The following MACF1 variants were observed in gnomAD, a reference collection of about 807,000 sequenced individuals.
The protein encoded by MACF1 is microtubule actin crosslinking factor 1.
Under a neutral mutation model 854.8 loss-of-function variants are expected in MACF1, and 193 were observed. The ratio of observed to expected loss-of-function variants is 0.23; its 90% confidence interval spans 0.20 to 0.25. The LOEUF (loss-of-function observed/expected upper bound fraction) is 0.25. MACF1 is among the 10% of genes least tolerant of loss of function. The probability of loss-of-function intolerance (pLI) is 1.00; values close to 1 mark genes in which losing one functional copy is unlikely to be tolerated. For synonymous variants in MACF1, 3,185 were observed against 3,226.7 expected (o/e 0.99, Z 0.44); for missense variants, 7,722 against 8,929.1 (o/e 0.86, Z 5.45).
At position 39,284,443 on chromosome 1, in the gene MACF1, C is replaced by G; in HGVS notation, c.1131+15C>G. On this transcript the variant is annotated intron_variant, in intron 11 of 100. Coordinates refer to ENST00000564288, the MANE Select transcript of MACF1 (RefSeq NM_001394062.1). ...AATTACTAGAGGTAAGTGAGCTTAT[C>G]CTTTGCTGAGACTTGGGGTTTGCTG... 1 of 1,537,460 alleles carries G rather than the reference C, an allele frequency of 6.5e-7. No individual in the cohort carries two copies. The highest frequency in any genetic ancestry group is 8.8e-7 in the Non-Finnish European group (1 of 1,137,098).
Position 39,460,165 on chromosome 1 carries a change from G to T in MACF1, c.21361-467G>T, listed in dbSNP as rs754565515. Among the ~76,000 whole-genome samples the T allele has an allele frequency of 5.9e-5, 9 of 152,150 alleles. No homozygotes were observed. The highest frequency in any genetic ancestry group is 1.2e-4 in the Non-Finnish European group (8 of 68,022). ...TCCCAATGCTTCCATCCAGAACTCA[G>T]ATTTTCTCATTGAAATCTCAGAAGA... On this transcript the variant is annotated intron_variant, in intron 91 of 100. Transcript: ENST00000564288. This position sits in a 1 kb window ranked among gnomAD's most constrained non-coding sequence, Gnocchi z 4.1.
At chr1:39,329,469 A>T (rs1646678684) in intron 36 of MACF1, among the ~76,000 whole-genome samples, 2 of 152,222 alleles carry the variant, frequency 1.3e-5, no homozygotes, top group African/African-American at 4.8e-5. Context: ...ACCTTCATGG[A>T]CAATGGATCA....
chr1:39,293,769 G>A (rs1218215516), intron 18 of MACF1, 150 bp downstream of exon 18: 22 of 636,000 alleles, frequency 3.5e-5, no homozygotes, highest in Non-Finnish European at 5.7e-5. Context: ...CATGTGAGAA[G>A]TGTAAATGGA....
intron 2 of MACF1, among the ~76,000 whole-genome samples, chr1:39,126,684 G>C (rs1383774354): frequency 6.6e-6 from 1 of 152,090 alleles, no homozygotes; most frequent in Non-Finnish European, 1.5e-5. Context: ...TTACTTGGGA[G>C]GCTGAGGCAG....
At chr1:39,232,746 G>T (rs200497295) in intron 2 of MACF1, among the ~76,000 whole-genome samples, 51 of 128,466 alleles carry the variant, frequency 4.0e-4, no homozygotes, top group South Asian at 7.4e-4. Context: ...TACTCTCTTT[G>T]TTTTTTTTTT....
chr1:39,461,711 G>A (rs1644557483), intron 92 of MACF1, among the ~76,000 whole-genome samples, 172 bp from the exon 93 acceptor site: 1 of 143,542 alleles, frequency 7.0e-6, no homozygotes, highest in South Asian at 2.2e-4. Context: ...AGAATCACTT[G>A]AACCAGGGAG....
intron 88 of MACF1, 78 bp downstream of exon 88, chr1:39,453,928 G>C: frequency 6.8e-7 from 1 of 1,477,366 alleles, no homozygotes; most frequent in Non-Finnish European, 9.2e-7. Flanking sequence ...TTTTCCCCCA[G>C]GTAAGGAATC....
intron 44 of MACF1, among the ~76,000 whole-genome samples, chr1:39,355,756 G>A (rs574496942): frequency 1.3e-5 from 2 of 152,104 alleles, no homozygotes; most frequent in African/African-American, 4.8e-5. Context: ...GAGCCACTGC[G>A]CCCAGCTTTT....
chr1:39,412,577 GACTT>G, intron 58 of MACF1: 1 of 1,614,016 alleles, frequency 6.2e-7, no homozygotes, highest in Non-Finnish European at 8.5e-7. Context: ...GAAGAACTGA[GACTT>G]AATCCAGATG....
At position 39,336,251 on chromosome 1, in the gene MACF1, T is replaced by G. The variant is rs1237335007; in HGVS notation, c.9663T>G (p.Leu3221=). 1.2e-6 allele frequency: 2 copies of G among 1,613,930 alleles called. No individual in the cohort carries two copies. Among genetic ancestry groups the G allele is most frequent in the Admixed American group, 3.3e-5 (2 of 59,988 alleles). ...AGGGCAGCAAAAGTGATGATAAACT[T>G]TGTGGAACTCTCAAATCTGAAATAG... is the stretch of plus-strand genomic sequence containing the variant. The part of the protein sequence containing the change: ...HHQGSKSDDK[L]CGTLKSEIAT... Residue 3221 remains leucine, a synonymous_variant, in exon 37 of 101, where the codon CTT becomes CTG. Coordinates refer to ENST00000564288, the MANE Select transcript of MACF1 (RefSeq NM_001394062.1).
In MACF1 at chr1:39,453,461, G is replaced by T. The variant is rs371097180; in HGVS notation, c.20743-246G>T. Among the ~76,000 whole-genome samples, 15 of 152,260 alleles carry T rather than the reference G, an allele frequency of 9.9e-5. No homozygotes were observed. The East Asian group carries it at 2.5e-3, about 25-fold the overall frequency. On this transcript the variant is annotated intron_variant, in intron 87 of 100. Transcript: ENST00000564288. ...AACTAACTCGAATGGGAAAAGGGGG[G>T]CATACCTCTGTGTGTCCTATTCTTT... is the stretch of plus-strand genomic sequence containing the variant.
At position 39,241,398 on chromosome 1, in the gene MACF1, G is replaced by T. The variant is rs545842400; in HGVS notation, c.172-8616G>T. The stretch of plus-strand genomic sequence containing the variant: ...TACGAGGCCAGGCATGGTGGCTCAC[G>T]CCAGTAATGTCAGCACTTTGGGAGG... On this transcript the variant is annotated intron_variant, in intron 2 of 100. Transcript: ENST00000564288. Among the ~76,000 whole-genome samples, 3 of 152,060 alleles carry T rather than the reference G, an allele frequency of 2.0e-5. No individual in the cohort carries two copies. In the East Asian group the frequency reaches 5.8e-4, roughly 29 times the overall value.
rs184541644 is a variant in MACF1, at chr1:39,459,042, A to T, written c.21197-44A>T. 5.4e-4 allele frequency: 832 copies of T among 1,542,072 alleles called. 3 individuals carry two copies. The African/African-American group carries it at 1.0e-2, about 18-fold the overall frequency. ...TATACATACAGCTATTTCTCTTTGT[A>T]TACTAACCAGCTGTTCTAATCTTGT... On this transcript the variant is annotated intron_variant, in intron 90 of 100. Transcript: ENST00000564288.
rs767534909 is a variant in MACF1, at chr1:39,485,647, G to A, written c.22521G>A (p.Thr7507=). ...CTTCTGACTTTGACCTCTTAGAGAC[G>A]CAGTCTGCTTGTTCCGACACTTCAG... ...SDASDFDLLE[T]QSACSDTSES... Residue 7507 remains threonine (T), a synonymous_variant, in exon 101 of 101, where the codon ACG becomes ACA. Coordinates refer to ENST00000564288, the MANE Select transcript of MACF1 (RefSeq NM_001394062.1). The A allele has an allele frequency of 1.1e-5, 18 of 1,613,966 alleles. No homozygotes were observed. Among genetic ancestry groups the A allele is most frequent in the African/African-American group, 1.1e-4 (8 of 74,890 alleles).
Position 39,447,779 on chromosome 1 carries a change from C to G in MACF1, c.19849C>G (p.Gln6617Glu), listed in dbSNP as rs1404903243. ...GNQLKFLSQK[Q>E]DVVLIKNLLV... ...TCAATTAAAGTTCCTTAGCCAAAAGCAGGATGTTGTTCTGATCAAGAATTT... is the reference window on the plus strand; with the variant it reads ...TCAATTAAAGTTCCTTAGCCAAAAGGAGGATGTTGTTCTGATCAAGAATTT... Residue 6617 changes from glutamine to glutamate, a missense_variant, in exon 82 of 101, where the codon CAG becomes GAG. Physicochemically the swap from Gln to Glu is conservative, Grantham distance 29 (BLOSUM62 2). Around this residue, in one of 15 missense-constraint regions of MACF1, gnomAD observed 729 missense variants for 900.5 expected, o/e 0.81. Transcript: ENST00000564288. The G allele has an allele frequency of 1.9e-6, 3 of 1,613,772 alleles. No homozygotes were observed. The African/African-American group carries it at 4.0e-5, about 22-fold the overall frequency.
Position 39,123,716 on chromosome 1 carries a change from TG to T in MACF1, c.220+39279del, listed in dbSNP as rs1243743886. Reference sequence around the variant, plus strand: ...CACCATGCCCGGCTAATTCTTGTTTTGTTTTTTTTTTTTTTTTTTTTGTCCG... The same window carrying T: ...CACCATGCCCGGCTAATTCTTGTTTTTTTTTTTTTTTTTTTTTTTTGTCCG... On this transcript the variant is annotated intron_variant, in intron 2 of 93. Transcript: ENST00000361689. Among the ~76,000 whole-genome samples, 476 of 87,470 alleles carry T rather than the reference TG, an allele frequency of 5.4e-3. 14 individuals are homozygous for T. The highest frequency in any genetic ancestry group is 9.6e-3 in the Non-Finnish European group (394 of 41,188). 57.4% of individuals were successfully genotyped at this position (87,470 alleles called of 152,430 possible).
chr1:39,413,034 T>G, intron 58 of MACF1: 1 of 1,588,352 alleles, frequency 6.3e-7, no homozygotes. Flanking sequence ...CTGCTGCAGT[T>G]GCTGCAGTGT....
At position 39,347,067 on chromosome 1, in the gene MACF1, T is replaced by G. The variant is rs146831263; in HGVS notation, c.10672T>G (p.Leu3558Val). ...QFFISEHAQD[L>V]SPQQNRQMLR... is the part of the protein sequence containing the mutation. ...CTTTATCTCAGAACATGCCCAGGAC[T>G]TGTCCCCTCAGCAGAATCGACAGAT... is the stretch of plus-strand genomic sequence containing the variant. The change falls in exon 41 of 101, where the codon TTG becomes GTG. Residue 3558 changes from leucine to valine, a missense_variant. Around this residue, in one of 15 missense-constraint regions of MACF1, gnomAD observed 854 missense variants for 852.6 expected, o/e 1.00. Transcript: ENST00000564288. 45 of 1,614,034 alleles carry G rather than the reference T, an allele frequency of 2.8e-5. No homozygotes were observed. The highest frequency in any genetic ancestry group is 3.4e-5 in the Non-Finnish European group (40 of 1,179,978).
intron 2 of MACF1, among the ~76,000 whole-genome samples, chr1:39,147,264 CCTTCT>C (rs1030866984): frequency 6.6e-6 from 1 of 150,960 alleles, no homozygotes; most frequent in Non-Finnish European, 1.5e-5. Context: ...TTCCTTCCTT[CCTTCT>C]CTTTTCTTTT....
Sources: gnomAD v4.1 joint callset for allele counts (sites outside exome capture counted in the v4.1 genomes callset) on GRCh38, gnomAD v4.1.1 for gene constraint, gnomAD v4.1.1 regional missense constraint, Gnocchi (gnomAD v3.1) non-coding constraint, MANE v1.5 for transcripts, NCBI Gene and HGNC (gene_info 2026-07-23, HGNC 2026-07-21) for gene names.